GRID2: variants seen among roughly 807,000 people sequenced by gnomAD.
GRID2 encodes the protein glutamate ionotropic receptor delta type subunit 2.
In GRID2, 33 loss-of-function variants were observed where a neutral mutation model predicts 114.8. The observed-to-expected ratio is 0.29, with a 90% CI of 0.22 to 0.38. The LOEUF is 0.38. Ranked by LOEUF, GRID2 falls within the 10% of genes least tolerant of loss-of-function variation. The pLI is 1.00. For missense variants in GRID2, 1,184 were observed against 1,257.7 expected (o/e 0.94, Z 0.89); for synonymous variants, 505 against 449.9 (o/e 1.12, Z -1.55).
At chr4:92,387,162 A>G (rs1034816106) in intron 1 of GRID2, among the ~76,000 whole-genome samples, 2 of 152,048 alleles carry the variant, frequency 1.3e-5, no homozygotes, top group African/African-American at 4.8e-5. Flanking sequence ...AACCTTATAT[A>G]CTCAAAAAGT....
chr4:93,418,421 G>A, intron 9 of GRID2, among the ~76,000 whole-genome samples: 1 of 151,914 alleles, frequency 6.6e-6, no homozygotes, highest in Non-Finnish European at 1.5e-5. Flanking sequence ...TCTCAAATTT[G>A]TTTAGTTCTT....
intron 11 of GRID2, among the ~76,000 whole-genome samples, chr4:93,486,548 T>C (rs1395424751): frequency 6.6e-6 from 1 of 151,688 alleles, no homozygotes; most frequent in Non-Finnish European, 1.5e-5. Context: ...TCTAGGTTTG[T>C]TTTGGTTTTG....
In GRID2 at chr4:92,907,653, G is replaced by A. The variant is rs529272732; in HGVS notation, c.245-177342G>A. On this transcript the variant is annotated intron_variant, in intron 2 of 15. Transcript: ENST00000282020. ...TTGAACTCCTGACCTCAGTTGATCCGCCTGCTTCAGCCTCCCAAAGTGTTG... is the reference window on the plus strand; with the variant it reads ...TTGAACTCCTGACCTCAGTTGATCCACCTGCTTCAGCCTCCCAAAGTGTTG... Among the ~76,000 whole-genome samples the A allele has an allele frequency of 3.9e-5, 6 of 152,064 alleles. No individual in the cohort carries two copies. In the East Asian group the frequency reaches 9.8e-4, roughly 25 times the overall value.
chr4:93,103,079 G>A (rs1187688009), intron 3 of GRID2, among the ~76,000 whole-genome samples: 1 of 151,994 alleles, frequency 6.6e-6, no homozygotes, highest in Non-Finnish European at 1.5e-5. Flanking sequence ...CAAATGCTGA[G>A]AGGGCTTGCC....
At chr4:93,801,649 T>G (rs1377527179) in intron 1 of GRID2, among the ~76,000 whole-genome samples, 1 of 152,194 alleles carries the variant, frequency 6.6e-6, no homozygotes, top group Non-Finnish European at 1.5e-5. Context: ...CAGCATTTCT[T>G]TCAACTTCAT....
intron 2 of GRID2, among the ~76,000 whole-genome samples, chr4:92,734,498 G>C (rs982463471): frequency 2.6e-5 from 4 of 151,656 alleles, no homozygotes; most frequent in Non-Finnish European, 5.9e-5. Context: ...TGCCCAAGTT[G>C]GTCTTGAACT....
chr4:93,581,060 GC>G (rs1001048030), intron 13 of GRID2, among the ~76,000 whole-genome samples: 2 of 151,820 alleles, frequency 1.3e-5, no homozygotes, highest in African/African-American at 4.8e-5. Flanking sequence ...CCCATCATCT[GC>G]ATTAGGTATT....
intron 2 of GRID2, among the ~76,000 whole-genome samples, chr4:92,958,273 A>G (rs1752561758): frequency 6.6e-6 from 1 of 152,104 alleles, no homozygotes; most frequent in African/African-American, 2.4e-5. Flanking sequence ...GATGTTGGCC[A>G]TCAGTTCCTT....
intron 2 of GRID2, among the ~76,000 whole-genome samples, chr4:92,893,821 C>G (rs1746968074): frequency 6.6e-6 from 1 of 152,060 alleles, no homozygotes; most frequent in African/African-American, 2.4e-5. Flanking sequence ...AGTTGAAATG[C>G]AGATAATATG....
At chr4:93,575,521 A>G (rs1400805662) in intron 13 of GRID2, among the ~76,000 whole-genome samples, 3 of 152,142 alleles carry the variant, frequency 2.0e-5, no homozygotes, top group Non-Finnish European at 4.4e-5. Flanking sequence ...CTTAACAGCC[A>G]TTGTGGCCCT....
chr4:92,467,750 A>C (rs920883968), intron 1 of GRID2, among the ~76,000 whole-genome samples: 16 of 151,996 alleles, frequency 1.1e-4, no homozygotes, highest in African/African-American at 3.9e-4. Context: ...CATGTTATGG[A>C]AAAAAATAAT....
rs114847779 is a variant in GRID2 at position 92,786,481 on chromosome 4, G to A, written c.244+196195G>A. On this transcript the variant is annotated intron_variant, in intron 2 of 15. Transcript: ENST00000282020. ...TATATTCTTTTTAGCCCCTAGATAT[G>A]TGCTGTCACCATTACAAGGACTCAG... Among the ~76,000 whole-genome samples, 1,479 of 151,670 alleles carry A rather than the reference G, an allele frequency of 9.8e-3. 31 individuals are homozygous for A. The highest frequency in any genetic ancestry group is 0.034 in the African/African-American group (1,397 of 41,402).
chr4:92,919,634 T>C (rs1033880625), intron 2 of GRID2, among the ~76,000 whole-genome samples: 3 of 152,230 alleles, frequency 2.0e-5, no homozygotes, highest in African/African-American at 4.8e-5. Flanking sequence ...AGGAGCAGGT[T>C]GTTCAATTTC....
chr4:93,732,921 T>TAA (rs67636690), intron 14 of GRID2, among the ~76,000 whole-genome samples: 1 of 130,322 alleles, frequency 7.7e-6, no homozygotes, highest in Non-Finnish European at 1.7e-5. Flanking sequence ...CTTTAAAAAA[T>TAA]AAAAAAAAAA....
At chr4:93,618,322 T>TTTTC (rs1319794095) in intron 13 of GRID2, among the ~76,000 whole-genome samples, 5 of 152,214 alleles carry the variant, frequency 3.3e-5, no homozygotes, top group African/African-American at 7.2e-5. Context: ...TCTAATTTAT[T>TTTTC]TTTCCCTTTC....
intron 14 of GRID2, among the ~76,000 whole-genome samples, chr4:93,637,443 A>G (rs1721512140): frequency 6.6e-6 from 1 of 152,178 alleles, no homozygotes; most frequent in Admixed American, 6.5e-5. Flanking sequence ...ATCCTGGCTC[A>G]TATTCCCACA....
At chr4:92,536,385 T>C (rs1460645288) in intron 1 of GRID2, among the ~76,000 whole-genome samples, 1 of 152,034 alleles carries the variant, frequency 6.6e-6, no homozygotes, top group Non-Finnish European at 1.5e-5. Flanking sequence ...GTTCTCCAAG[T>C]CCCCACCCAA....
intron 2 of GRID2, among the ~76,000 whole-genome samples, chr4:92,660,226 T>G (rs1732453787): frequency 6.6e-6 from 1 of 151,288 alleles, no homozygotes; most frequent in Non-Finnish European, 1.5e-5. Context: ...GTTTTATTCA[T>G]AAAGATGTGC....
At chr4:93,329,241 A>G (rs2149224344) in intron 8 of GRID2, among the ~76,000 whole-genome samples, 1 of 152,258 alleles carries the variant, frequency 6.6e-6, no homozygotes, top group African/African-American at 2.4e-5. Context: ...CATTACACAT[A>G]TCAAGAAAAC....
Sources: gnomAD v4.1 joint callset for allele counts (sites outside exome capture counted in the v4.1 genomes callset) on GRCh38, gnomAD v4.1.1 for gene constraint, MANE v1.5 for transcripts, NCBI Gene and HGNC (gene_info 2026-07-23, HGNC 2026-07-21) for gene names.